COL6A6: variants seen among roughly 807,000 people sequenced by gnomAD.
COL6A6 encodes collagen alpha-6(VI) chain.
COL6A6 carries 183 observed loss-of-function variants against 208.6 expected under a neutral mutation model. The ratio of observed to expected loss-of-function variants is 0.88; its 90% CI spans 0.78 to 0.99. The LOEUF (loss-of-function observed/expected upper bound fraction) is 0.99, where lower values mean the gene tolerates loss of function less well. Ranked by LOEUF, COL6A6 falls within the 50% of genes least tolerant of loss-of-function variation. The pLI is 0.00. For missense variants in COL6A6, 2,816 were observed against 2,815.2 expected (o/e 1.00, Z -0.01); for synonymous variants, 973 against 1,011.8 (o/e 0.96, Z 0.73).
intron 23 of COL6A6, among the ~76,000 whole-genome samples, chr3:130,621,407 C>T (rs1459740210): frequency 6.6e-6 from 1 of 152,110 alleles, no homozygotes; most frequent in African/African-American, 2.4e-5. Context: ...ATATGATTTT[C>T]CAATAAAGAT....
At chr3:130,616,893 A>G (rs554453581) in intron 23 of COL6A6, among the ~76,000 whole-genome samples, 10 of 152,300 alleles carry the variant, frequency 6.6e-5, no homozygotes, top group Admixed American at 3.9e-4. Context: ...AAGGATGGTA[A>G]TAGTAGCTAC....
chr3:130,568,531 T>C lies in COL6A6; in HGVS notation c.2328T>C (p.Phe776=). The change falls in exon 6 of 37, where the codon TTT becomes TTC. Residue 776 remains phenylalanine (F), a synonymous_variant. Transcript: ENST00000358511. Reference sequence around the variant, plus strand: ...TCAGTGGGAGGCCCGAGATGGTTTTTTATGTTGAGAATTTTGACATTCTGC... The same window carrying C: ...TCAGTGGGAGGCCCGAGATGGTTTTCTATGTTGAGAATTTTGACATTCTGC... ...EEISGRPEMV[F]YVENFDILQR... is the part of the protein sequence containing the mutation. 1 of 1,612,256 alleles carries C rather than the reference T, an allele frequency of 6.2e-7. No homozygotes were observed. Among genetic ancestry groups the C allele is most frequent in the Non-Finnish European group, 8.5e-7 (1 of 1,179,890 alleles).
At position 130,675,252 on chromosome 3, in the gene COL6A6, A is replaced by G; in HGVS notation, c.6647A>G (p.Lys2216Arg). ...ACCCTCAAAGAAGATGTATTACAGAAGGCAAAATTCTTTCAAGATAAAAAA... is the reference window on the plus strand; with the variant it reads ...ACCCTCAAAGAAGATGTATTACAGAGGGCAAAATTCTTTCAAGATAAAAAA... Reference protein sequence around the residue: ...KATLKEDVLQKAKFFQDKKYL... With the variant: ...KATLKEDVLQRAKFFQDKKYL... The change falls in exon 37 of 37, where the codon AAG becomes AGG. Residue 2216 changes from lysine to arginine, a missense_variant. By Grantham distance (26) the Lys-to-Arg change is conservative. Transcript: ENST00000358511. 1 of 1,587,756 alleles carries G rather than the reference A, an allele frequency of 6.3e-7. No homozygotes were observed. Among genetic ancestry groups the G allele is most frequent in the Non-Finnish European group, 8.6e-7 (1 of 1,165,826 alleles).
intron 1 of COL6A6, among the ~76,000 whole-genome samples, chr3:130,543,942 C>A (rs1343372969): frequency 6.6e-6 from 1 of 152,066 alleles, no homozygotes; most frequent in East Asian, 1.9e-4. Flanking sequence ...TTAAGATATG[C>A]AACATGATAT....
At chr3:130,674,709 A>C (rs2066316891) in intron 36 of COL6A6, among the ~76,000 whole-genome samples, 1 of 152,212 alleles carries the variant, frequency 6.6e-6, no homozygotes, top group Non-Finnish European at 1.5e-5. Context: ...TACTATAGTG[A>C]ACAGACAAGA....
intron 20 of COL6A6, 72 bp downstream of exon 20, chr3:130,599,882 G>C (rs1418198876): frequency 2.1e-6 from 3 of 1,437,038 alleles, no homozygotes; most frequent in East Asian, 2.3e-5. Context: ...GCTGACTTTG[G>C]GGGAGTGGGT....
Position 130,566,712 on chromosome 3 carries a change from C to T in COL6A6, c.1293C>T (p.Asp431=). 1 of 1,604,818 alleles carries T rather than the reference C, an allele frequency of 6.2e-7. No homozygotes were observed. The highest frequency in any genetic ancestry group is 8.5e-7 in the Non-Finnish European group (1 of 1,174,584). The part of the protein sequence containing the change: ...RTETLKSGCV[D]TEEADIYLLI... Reference sequence around the variant, plus strand: ...TTGATTCCTTTTTAGGTTGTGTGGACACTGAGGAAGCAGACATCTATCTGC... The same window carrying T: ...TTGATTCCTTTTTAGGTTGTGTGGATACTGAGGAAGCAGACATCTATCTGC... Residue 431 remains aspartate, a synonymous_variant, in exon 5 of 37, where the codon GAC becomes GAT. Transcript: ENST00000358511.
intron 18 of COL6A6, among the ~76,000 whole-genome samples, chr3:130,594,642 C>T (rs1352036070): frequency 2.0e-5 from 3 of 152,194 alleles, no homozygotes; most frequent in Non-Finnish European, 4.4e-5. Flanking sequence ...CTTCCAAGCA[C>T]CTCAAAATAC....
At chr3:130,577,765 T>G (rs559177269) in intron 8 of COL6A6, among the ~76,000 whole-genome samples, 2 of 152,344 alleles carry the variant, frequency 1.3e-5, no homozygotes, top group South Asian at 2.1e-4. Flanking sequence ...CTGTGTCTTA[T>G]GAGGAGAAGT....
chr3:130,559,702 G>A (rs2107842975), intron 1 of COL6A6, among the ~76,000 whole-genome samples: 1 of 152,164 alleles, frequency 6.6e-6, no homozygotes, highest in East Asian at 1.9e-4. Context: ...AATGCTTTAG[G>A]CCAAAATGAG....
chr3:130,531,011 C>T (rs1330767197), intron 1 of COL6A6, among the ~76,000 whole-genome samples: 2 of 124,700 alleles, frequency 1.6e-5, no homozygotes, highest in Non-Finnish European at 3.5e-5. Context: ...CCACCCCCCT[C>T]CTCTACACAC....
intron 32 of COL6A6, 139 bp from the exon 33 acceptor site, chr3:130,648,930 A>C (rs2108398283): frequency 1.5e-6 from 1 of 682,822 alleles, no homozygotes; most frequent in South Asian, 3.8e-5. Flanking sequence ...ATTTAAATAT[A>C]TTTTACATGT....
At chr3:130,572,981 T>C (rs1379183778) in intron 7 of COL6A6, among the ~76,000 whole-genome samples, 2 of 152,244 alleles carry the variant, frequency 1.3e-5, no homozygotes, top group Non-Finnish European at 2.9e-5. Flanking sequence ...CATGTTCTTC[T>C]TGTTTTATAT....
At chr3:130,551,297 C>G (rs1379897018) in intron 1 of COL6A6, among the ~76,000 whole-genome samples, 1 of 152,078 alleles carries the variant, frequency 6.6e-6, no homozygotes, top group Non-Finnish European at 1.5e-5. Flanking sequence ...TCCACCTGGT[C>G]CTGTGCATTT....
At chr3:130,615,239 T>C (rs555784854) in intron 23 of COL6A6, among the ~76,000 whole-genome samples, 6 of 152,320 alleles carry the variant, frequency 3.9e-5, no homozygotes, top group African/African-American at 1.2e-4. Context: ...CATGTAATTA[T>C]ATGGTTTTGG....
At chr3:130,626,657 T>G (rs752787836) in intron 25 of COL6A6, 110 bp downstream of exon 25, 7 of 749,542 alleles carry the variant, frequency 9.3e-6, no homozygotes, top group Non-Finnish European at 1.6e-5. Flanking sequence ...TCATGAAGTT[T>G]TATAGTTTTA....
chr3:130,662,270 G>T lies in COL6A6; in HGVS notation c.6464G>T (p.Gly2155Val). The stretch of plus-strand genomic sequence containing the variant: ...ATTCATAAACCTGACCACAGTTATG[G>T]TGTGAAGTTTGTGAAGTCCTTTATA... ...GRIHKPDHSY[G>V]VKFVKSFINS... The change falls in exon 35 of 37, where the codon GGT (glycine) becomes GTT (valine). Residue 2155 changes from glycine to valine, a missense_variant. Coordinates refer to ENST00000358511, the MANE Select transcript of COL6A6 (RefSeq NM_001102608.3). 1 of 1,613,872 alleles carries T rather than the reference G, an allele frequency of 6.2e-7. No homozygotes were observed. The highest frequency in any genetic ancestry group is 8.5e-7 in the Non-Finnish European group (1 of 1,179,838).
In COL6A6 at chr3:130,569,355, A is replaced by T. The variant is rs186020819; in HGVS notation, c.2401+751A>T. On this transcript the variant is annotated intron_variant, in intron 6 of 36. Coordinates refer to ENST00000358511, the MANE Select transcript of COL6A6 (RefSeq NM_001102608.3). The stretch of plus-strand genomic sequence containing the variant: ...GGAACCTAGTCCCCACTGTCTTCCC[A>T]TGAAACTGCAGAGTAATGGAAATGA... Among the ~76,000 whole-genome samples, 1,056 of 152,334 alleles carry T rather than the reference A, an allele frequency of 6.9e-3. 11 individuals carry two copies. The highest frequency in any genetic ancestry group is 0.024 in the African/African-American group (1,003 of 41,578).
At chr3:130,643,070 C>T in intron 31 of COL6A6, 47 bp downstream of exon 31, 1 of 1,594,484 alleles carries the variant, frequency 6.3e-7, no homozygotes, top group Non-Finnish European at 8.6e-7. Context: ...AGCATTCATA[C>T]AAGAAAAGCA....
Sources: gnomAD v4.1 joint callset for allele counts (sites outside exome capture counted in the v4.1 genomes callset) on GRCh38, gnomAD v4.1.1 for gene constraint, MANE v1.5 for transcripts, NCBI Gene and HGNC (gene_info 2026-07-23, HGNC 2026-07-21) for gene names.